The following ANK1 variants were observed in gnomAD, a reference collection of about 807,000 sequenced individuals.
ANK1 encodes the protein ankyrin-1.
In ANK1, 51 loss-of-function variants were observed where a neutral mutation model predicts 210.4. The ratio of observed to expected loss-of-function variants is 0.24; its 90% CI spans 0.19 to 0.31. The LOEUF is 0.31. ANK1 is among the 10% of genes least tolerant of loss of function. ANK1 has a pLI of 1.00. For synonymous variants in ANK1, 967 were observed against 1,025.9 expected (o/e 0.94, Z 1.10); for missense variants, 2,051 against 2,504.4 (o/e 0.82, Z 3.86).
chr8:41,827,749 T>C (rs1291077729), intron 1 of ANK1, among the ~76,000 whole-genome samples: 1 of 140,750 alleles, frequency 7.1e-6, no homozygotes, highest in African/African-American at 2.6e-5. Context: ...CACGCATACA[T>C]ACACCCACTC....
intron 39 of ANK1, chr8:41,665,729 G>A (rs1810289788): frequency 6.0e-6 from 1 of 165,866 alleles, no homozygotes. Flanking sequence ...GCCCAGCAGG[G>A]GCCCAGCACA....
chr8:41,842,191 C>T (rs992633768), intron 1 of ANK1, among the ~76,000 whole-genome samples: 11 of 152,110 alleles, frequency 7.2e-5, no homozygotes, highest in Non-Finnish European at 8.8e-5. Flanking sequence ...CTGTGGCTTT[C>T]GAGTAAAGAT....
At position 41,708,773 on chromosome 8, in the gene ANK1, C is replaced by T. The variant is rs946534987; in HGVS notation, c.1998+5G>A. On this transcript the variant is annotated splice_donor_5th_base_variant and intron_variant, in intron 17 of 42. Transcript: ENST00000289734. The stretch of plus-strand genomic sequence containing the variant: ...CCAGGGCAGATCCGAAGACACCATG[C>T]CTACCTTGTTCCCCAGGTTGCCATT... The T allele has an allele frequency of 7.4e-6, 12 of 1,613,676 alleles. No homozygotes were observed. The highest frequency in any genetic ancestry group is 1.0e-5 in the Non-Finnish European group (12 of 1,180,028).
intron 16 of ANK1, among the ~76,000 whole-genome samples, chr8:41,712,027 C>T (rs561098252): frequency 5.9e-5 from 9 of 152,064 alleles, no homozygotes; most frequent in African/African-American, 1.7e-4. Flanking sequence ...CGGGTTCAAG[C>T]GATTCTCCTG....
rs1825415122 is a variant in ANK1 at position 41,708,924 on chromosome 8, C to T, written c.1852G>A (p.Ala618Thr). The change falls in exon 17 of 43, where the codon GCC (alanine) becomes ACC (threonine). Residue 618 changes from alanine to threonine, a missense_variant. Physicochemically the swap from Ala to Thr is moderately conservative, Grantham distance 58. Around this residue, in one of 6 missense-constraint regions of ANK1, gnomAD observed 1,413 missense variants for 1,707.4 expected, o/e 0.83. Coordinates refer to ENST00000289734, the MANE Select transcript of ANK1 (RefSeq NM_000037.4). ...CCCCCATACTGCAGCAGACTACGGG[C>T]CACCTCCACCTGGTTCTGCTTGGCA... ...IAAKQNQVEV[A>T]RSLLQYGGSA... 6.2e-7 allele frequency: 1 copy of T among 1,613,992 alleles called. No homozygotes were observed.
At chr8:41,856,975 G>A (rs1812308038) in intron 1 of ANK1, among the ~76,000 whole-genome samples, 1 of 145,164 alleles carries the variant, frequency 6.9e-6, no homozygotes, top group African/African-American at 2.6e-5. Context: ...TCCACATCCT[G>A]GGTTCAGGCT....
intron 33 of ANK1, 108 bp downstream of exon 33, chr8:41,690,119 C>T: frequency 1.3e-6 from 2 of 1,550,306 alleles, no homozygotes; most frequent in Non-Finnish European, 1.8e-6. Context: ...GGACTCTAAG[C>T]TTCCACCAGG....
At chr8:41,758,728 C>T (rs769715523) in intron 1 of ANK1, among the ~76,000 whole-genome samples, 52 of 152,204 alleles carry the variant, frequency 3.4e-4, no homozygotes, top group African/African-American at 7.0e-4. Context: ...CTATGGCAAG[C>T]GCACAGCACA....
At chr8:41,828,327 T>G (rs13438989) in intron 1 of ANK1, 47,298 of 154,748 alleles carry the variant, frequency 0.31, 7,579 homozygotes, top group Middle Eastern at 0.44. Context: ...TTCCTTCGTC[T>G]GTGCGTGCAG....
At chr8:41,697,632 C>T (rs555988941) in intron 24 of ANK1, 6 of 343,904 alleles carry the variant, frequency 1.7e-5, no homozygotes, top group Non-Finnish European at 2.3e-5. Flanking sequence ...GGTTGGGCCC[C>T]GGCTCCCAGG....
At chr8:41,895,124 C>T (rs142626556) in intron 1 of ANK1, among the ~76,000 whole-genome samples, 31 of 152,306 alleles carry the variant, frequency 2.0e-4, no homozygotes, top group African/African-American at 6.5e-4. Context: ...CACAGACAGC[C>T]TGCTCCCCAA....
Position 41,797,131 on chromosome 8 carries a change from C to T in ANK1, c.27+381G>A, listed in dbSNP as rs989895464. ...GCCCACCCCGCAGCCTGTAATAACA[C>T]ACCTACAAAACGCAGTTTAGCAGAC... On this transcript the variant is annotated intron_variant, in intron 1 of 42. Coordinates refer to ENST00000289734, the MANE Select transcript of ANK1 (RefSeq NM_000037.4). This position sits in a 1 kb window ranked among gnomAD's most constrained non-coding sequence, Gnocchi z 4.0. Among the ~76,000 whole-genome samples the T allele has an allele frequency of 2.6e-5, 4 of 152,170 alleles. No individual in the cohort carries two copies.
intron 1 of ANK1, among the ~76,000 whole-genome samples, chr8:41,804,836 G>T (rs193091253): frequency 5.6e-4 from 86 of 152,270 alleles, no homozygotes; most frequent in African/African-American, 1.2e-3. Flanking sequence ...AAACAGAGAA[G>T]TGACCTCAGT....
rs574528883 is a variant in ANK1 at position 41,889,122 on chromosome 8, G to A, written c.126+7233C>T. Among the ~76,000 whole-genome samples the A allele has an allele frequency of 7.4e-4, 112 of 152,330 alleles. 2 individuals are homozygous for A. The South Asian group carries it at 0.018, about 25-fold the overall frequency. ...CCCAAAGTGGTGGGATTACTGGCAT[G>A]AGTCACTGTGCCCAGACAGGGAAGG... is the stretch of plus-strand genomic sequence containing the variant. On this transcript the variant is annotated intron_variant, in intron 1 of 42. Coordinates refer to the ANK1 transcript ENST00000265709.
rs1482676316 is a variant in ANK1, at chr8:41,679,556, TTC to T, written c.4537+4986_4537+4987del. On this transcript the variant is annotated intron_variant, in intron 37 of 42. Coordinates refer to ENST00000289734, the MANE Select transcript of ANK1 (RefSeq NM_000037.4). Reference sequence around the variant, plus strand: ...CCAGCTGTCTTGGTCTTCCTGGACTTTCTTTTTTTTTTTTTTTTTTTTTTGAG... The same window carrying T: ...CCAGCTGTCTTGGTCTTCCTGGACTTTTTTTTTTTTTTTTTTTTTTTTGAG... Among the ~76,000 whole-genome samples, 103 of 116,510 alleles carry T rather than the reference TTC, an allele frequency of 8.8e-4. 1 individual carries two copies. Among genetic ancestry groups the T allele is most frequent in the Middle Eastern group, 7.5e-3 (2 of 268 alleles). 76.4% of individuals were successfully genotyped at this position (116,510 alleles called of 152,430 possible). A position where few individuals can be genotyped will look rare whatever the true frequency, so the allele number is the denominator to read the frequency against.
intron 1 of ANK1, among the ~76,000 whole-genome samples, chr8:41,834,415 G>C (rs905367937): frequency 1.3e-5 from 2 of 152,316 alleles, no homozygotes; most frequent in South Asian, 2.1e-4. Context: ...CGCCCATGTC[G>C]GAGGCAGCAC....
At chr8:41,695,054 G>T in intron 27 of ANK1, 123 bp downstream of exon 27, 1 of 1,362,752 alleles carries the variant, frequency 7.3e-7, no homozygotes, top group Non-Finnish European at 1.0e-6. Context: ...GTCCACACCA[G>T]GCCATTCTCA....
At chr8:41,877,190 G>A (rs28664577) in intron 1 of ANK1, among the ~76,000 whole-genome samples, 1,683 of 152,338 alleles carry the variant, frequency 0.011, 25 homozygotes, top group African/African-American at 0.038. Flanking sequence ...GAAGGGACCT[G>A]GGAAAGAAAT....
At chr8:41,748,835 A>C (rs1836862314) in intron 2 of ANK1, among the ~76,000 whole-genome samples, 2 of 152,198 alleles carry the variant, frequency 1.3e-5, no homozygotes, top group Non-Finnish European at 1.5e-5. Flanking sequence ...GGAGATCAAG[A>C]CCATCCCAGC....
Sources: gnomAD v4.1 joint callset for allele counts (sites outside exome capture counted in the v4.1 genomes callset) on GRCh38, gnomAD v4.1.1 for gene constraint, gnomAD v4.1.1 regional missense constraint, Gnocchi (gnomAD v3.1) non-coding constraint, MANE v1.5 for transcripts, NCBI Gene and HGNC (gene_info 2026-07-23, HGNC 2026-07-21) for gene names.